Variants in TBC1D22A observed in about 807,000 individuals in gnomAD.
TBC1D22A encodes TBC1 domain family member 22A.
TBC1D22A carries 38 observed loss-of-function variants against 60.2 expected under a neutral mutation model. That is an observed-to-expected ratio of 0.63 (90% CI 0.49 to 0.83). The LOEUF (loss-of-function observed/expected upper bound fraction) is 0.83. TBC1D22A is among the 40% of genes least tolerant of loss of function. The pLI, the probability that TBC1D22A is intolerant of heterozygous loss-of-function variation, is 0.00. For missense variants in TBC1D22A, 628 were observed against 701.0 expected, an observed-to-expected ratio of 0.90 and a Z score of 1.18; for synonymous variants, 302 against 281.7, an observed-to-expected ratio of 1.07 and a Z score of -0.72.
At chr22:47,073,745 G>A (rs747449059) in intron 11 of TBC1D22A, among the ~76,000 whole-genome samples, 26 of 152,168 alleles carry the variant, frequency 1.7e-4, no homozygotes, top group African/African-American at 3.4e-4. Flanking sequence ...TCTGCGTGTC[G>A]TTAATACATG....
chr22:47,072,840 G>C (rs962336596), intron 11 of TBC1D22A, among the ~76,000 whole-genome samples: 2 of 152,204 alleles, frequency 1.3e-5, no homozygotes, highest in Non-Finnish European at 2.9e-5. Flanking sequence ...TCATGGTCTT[G>C]TTCATCAGAC....
rs758848470 is a variant in TBC1D22A, at chr22:46,793,615, C to A, written c.234C>A (p.Asp78Glu). The change falls in exon 3 of 13, where the codon GAC becomes GAA. Residue 78 changes from aspartate (D) to glutamate (E), a missense_variant. Coordinates refer to ENST00000337137, the MANE Select transcript of TBC1D22A (RefSeq NM_014346.5). ...TSDAWDAGED[D>E]DELLAMAAES... ...ATGCCTGGGACGCTGGGGAGGACGA[C>A]GATGAGCTCCTGGCCATGGCGGCGG... 1.9e-6 allele frequency: 3 copies of A among 1,613,900 alleles called. No individual in the cohort carries two copies. In the East Asian group the frequency reaches 6.7e-5, roughly 36 times the overall value.
At chr22:46,928,001 A>G (rs1443868234) in intron 8 of TBC1D22A, among the ~76,000 whole-genome samples, 2 of 152,224 alleles carry the variant, frequency 1.3e-5, no homozygotes, top group Non-Finnish European at 2.9e-5. Flanking sequence ...ATTCTTTCTC[A>G]AATTGATGTA....
intron 11 of TBC1D22A, among the ~76,000 whole-genome samples, chr22:47,073,667 C>G (rs1428837169): frequency 6.6e-6 from 1 of 152,102 alleles, no homozygotes; most frequent in Admixed American, 6.6e-5. Flanking sequence ...GACAGCCAGA[C>G]CCCAGGGCAG....
chr22:46,852,915 G>A (rs1023439217), intron 4 of TBC1D22A, among the ~76,000 whole-genome samples: 1 of 152,186 alleles, frequency 6.6e-6, no homozygotes, highest in South Asian at 2.1e-4. Flanking sequence ...GGTCCGTTCC[G>A]TTTCTTGCAT....
chr22:46,897,072 G>A (rs958276456), intron 7 of TBC1D22A, among the ~76,000 whole-genome samples: 2 of 152,090 alleles, frequency 1.3e-5, no homozygotes, highest in Admixed American at 6.5e-5. Flanking sequence ...CCTATGAAGC[G>A]TCTCGTACAT....
chr22:47,157,109 G>T (rs1233820935), intron 12 of TBC1D22A, among the ~76,000 whole-genome samples: 1 of 152,220 alleles, frequency 6.6e-6, no homozygotes. Flanking sequence ...GGGGTGCAAG[G>T]CGCCTCCTGT....
At chr22:47,002,434 C>T (rs2061435552) in intron 10 of TBC1D22A, among the ~76,000 whole-genome samples, 2 of 152,316 alleles carry the variant, frequency 1.3e-5, no homozygotes, top group African/African-American at 2.4e-5. Context: ...CCACCTGGTA[C>T]TCAGTGTCAT....
chr22:47,038,753 C>T (rs767779033), intron 11 of TBC1D22A, among the ~76,000 whole-genome samples: 3 of 152,174 alleles, frequency 2.0e-5, no homozygotes, highest in Admixed American at 6.5e-5. Flanking sequence ...GATCTCACTA[C>T]GGAAATTATC....
intron 1 of TBC1D22A, among the ~76,000 whole-genome samples, chr22:46,781,665 A>G (rs947302157): frequency 6.6e-6 from 1 of 152,160 alleles, no homozygotes; most frequent in Non-Finnish European, 1.5e-5. Flanking sequence ...GGTCTTCTCC[A>G]GGGCACAGCC....
At chr22:46,974,468 T>C in intron 9 of TBC1D22A, 69 bp downstream of exon 9, 10 of 1,313,250 alleles carry the variant, frequency 7.6e-6, no homozygotes, top group Non-Finnish European at 9.6e-6. Flanking sequence ...CCTGAGGCCT[T>C]AGGCTGCTCC....
chr22:46,790,340 C>G (rs1422213341), intron 1 of TBC1D22A, among the ~76,000 whole-genome samples: 1 of 152,256 alleles, frequency 6.6e-6, no homozygotes, highest in Non-Finnish European at 1.5e-5. Context: ...TTTGAGTACT[C>G]ATGATTAGAT....
intron 4 of TBC1D22A, among the ~76,000 whole-genome samples, chr22:46,806,643 G>A (rs185544899): frequency 3.1e-3 from 475 of 152,122 alleles, no homozygotes; most frequent in African/African-American, 0.011. Context: ...GAGCTGAAAA[G>A]AAAATCAAGC....
intron 1 of TBC1D22A, among the ~76,000 whole-genome samples, chr22:46,782,255 A>C (rs924250773): frequency 6.6e-6 from 1 of 152,182 alleles, no homozygotes; most frequent in Non-Finnish European, 1.5e-5. Flanking sequence ...AGGTTTCACC[A>C]TGTTGGCCAG....
chr22:46,791,680 G>T (rs2084416204), intron 1 of TBC1D22A, among the ~76,000 whole-genome samples: 1 of 152,098 alleles, frequency 6.6e-6, no homozygotes. Context: ...TCAACCAACA[G>T]TGTCTGCCAC....
chr22:47,007,701 G>C (rs1226032293), intron 10 of TBC1D22A, among the ~76,000 whole-genome samples: 4 of 151,994 alleles, frequency 2.6e-5, no homozygotes, highest in African/African-American at 9.7e-5. Flanking sequence ...GGTAGCGGTG[G>C]TGGGGAGGGG....
At chr22:46,941,934 T>TACACACACAC (rs368425901) in intron 8 of TBC1D22A, among the ~76,000 whole-genome samples, 2 of 138,506 alleles carry the variant, frequency 1.4e-5, no homozygotes, top group African/African-American at 5.3e-5. Context: ...TATGTATGTA[T>TACACACACAC]ACACACACAC....
At chr22:47,064,213 C>T (rs1393398303) in intron 11 of TBC1D22A, among the ~76,000 whole-genome samples, 1 of 152,272 alleles carries the variant, frequency 6.6e-6, no homozygotes, top group Non-Finnish European at 1.5e-5. Context: ...CGTGCTCTCT[C>T]TGTGGTGAAC....
intron 8 of TBC1D22A, among the ~76,000 whole-genome samples, chr22:46,954,652 C>T (rs1286883555): frequency 6.7e-6 from 1 of 148,660 alleles, no homozygotes; most frequent in Non-Finnish European, 1.5e-5. Context: ...ACAAAACAGC[C>T]ACCGAACGTG....
Sources: gnomAD v4.1 joint callset for allele counts (sites outside exome capture counted in the v4.1 genomes callset) on GRCh38, gnomAD v4.1.1 for gene constraint, MANE v1.5 for transcripts, NCBI Gene and HGNC (gene_info 2026-07-23, HGNC 2026-07-21) for gene names.